The following PSME4 variants were observed in gnomAD, a reference collection of about 807,000 sequenced individuals.
PSME4 encodes the protein proteasome activator subunit 4, also known as proteasome activator complex subunit 4.
PSME4 carries 89 observed loss-of-function variants against 253.9 expected under a neutral mutation model. That is an observed-to-expected ratio of 0.35 (90% CI 0.30 to 0.42). PSME4 has a LOEUF of 0.42. Ranked by LOEUF, PSME4 falls within the 10% of genes least tolerant of loss-of-function variation. The pLI is 1.00. For synonymous variants in PSME4, 851 were observed against 759.2 expected (o/e 1.12, Z -1.99); for missense variants, 2,014 against 2,195.2 (o/e 0.92, Z 1.65).
chr2:53,940,952 CATATATATATATATAT>C (rs1169212491), intron 3 of PSME4, among the ~76,000 whole-genome samples: 1 of 24,020 alleles, frequency 4.2e-5, no homozygotes, highest in African/African-American at 1.6e-4. Context: ...TATATATATA[CATATATATATATATAT>C]ATATATATAT....
In PSME4 at chr2:53,908,559, A is replaced by C; in HGVS notation, c.2636T>G (p.Ile879Arg). ...ATVIRKLLNH[I>R]LDNSEDDTKS... ...AGTATCATCTTCTGAATTATCAAGTATGTGGTCTATAATGGAAGAAAGAAA... is the reference window on the plus strand; with the variant it reads ...AGTATCATCTTCTGAATTATCAAGTCTGTGGTCTATAATGGAAGAAAGAAA... Residue 879 changes from isoleucine to arginine, a missense_variant, in exon 23 of 47, where the codon ATA becomes AGA. Ile to Arg is a moderately conservative substitution (Grantham distance 97). Around this residue, in one of 4 missense-constraint regions of PSME4, gnomAD observed 989 missense variants for 1,021.1 expected, o/e 0.97. Transcript: ENST00000404125. 1 of 1,605,170 alleles carries C rather than the reference A, an allele frequency of 6.2e-7. No homozygotes were observed. The highest frequency in any genetic ancestry group is 8.5e-7 in the Non-Finnish European group (1 of 1,176,242).
At chr2:53,942,118 A>C (rs1669481508) in intron 3 of PSME4, 1 of 152,542 alleles carries the variant, frequency 6.6e-6, no homozygotes, top group African/African-American at 2.4e-5. Flanking sequence ...GTACCATTGG[A>C]TTTATGATGT....
chr2:53,920,104 A>G, intron 19 of PSME4, 89 bp downstream of exon 19: 3 of 1,160,272 alleles, frequency 2.6e-6, no homozygotes, highest in Non-Finnish European at 3.5e-6. Context: ...CACAATTGAA[A>G]ATTAATACAT....
intron 3 of PSME4, among the ~76,000 whole-genome samples, chr2:53,947,774 G>A (rs1167568368): frequency 6.6e-6 from 1 of 151,956 alleles, no homozygotes; most frequent in Non-Finnish European, 1.5e-5. Flanking sequence ...CCAGGACTTT[G>A]GGAGGCCAAG....
At position 53,955,559 on chromosome 2, in the gene PSME4, A is replaced by G. The variant is rs1057371213; in HGVS notation, c.243-6276T>C. Among the ~76,000 whole-genome samples the G allele has an allele frequency of 2.0e-5, 3 of 152,296 alleles. No homozygotes were observed. The East Asian group carries it at 5.8e-4, about 29-fold the overall frequency. Reference sequence around the variant, plus strand: ...TTAGTAGAATATGGAACGGAATATAATATTTATAAAGCAAGGCTCAAAACA... The same window carrying G: ...TTAGTAGAATATGGAACGGAATATAGTATTTATAAAGCAAGGCTCAAAACA... On this transcript the variant is annotated intron_variant, in intron 1 of 46. Transcript: ENST00000404125.
intron 37 of PSME4, 52 bp downstream of exon 37, chr2:53,890,052 T>C (rs1679833433): frequency 1.5e-6 from 2 of 1,336,488 alleles, no homozygotes; most frequent in Non-Finnish European, 1.1e-6. Context: ...AGAGACAGTA[T>C]CAAACAGTTT....
intron 4 of PSME4, among the ~76,000 whole-genome samples, chr2:53,938,707 C>T (rs1669240852): frequency 6.6e-6 from 1 of 152,106 alleles, no homozygotes; most frequent in Non-Finnish European, 1.5e-5. Context: ...TTGGCCCACA[C>T]AGCATATTAT....
At chr2:53,942,575 T>C (rs1366390938) in intron 3 of PSME4, among the ~76,000 whole-genome samples, 2 of 152,090 alleles carry the variant, frequency 1.3e-5, no homozygotes, top group African/African-American at 4.8e-5. Flanking sequence ...TATAGCTGTT[T>C]TCTCATCAAT....
intron 41 of PSME4, among the ~76,000 whole-genome samples, chr2:53,876,351 GGC>G (rs1274012913): frequency 6.6e-6 from 1 of 151,988 alleles, no homozygotes; most frequent in East Asian, 1.9e-4. Context: ...TCCCCACTGT[GGC>G]CTTTGCTGAT....
chr2:53,948,392 A>T, intron 3 of PSME4, 29 bp downstream of exon 3: 12 of 1,472,766 alleles, frequency 8.1e-6, no homozygotes, highest in Non-Finnish European at 1.1e-5. Context: ...AAGTACTCCC[A>T]AATAAGTGCT....
intron 44 of PSME4, among the ~76,000 whole-genome samples, chr2:53,869,006 C>T (rs1272304953): frequency 6.6e-6 from 1 of 152,140 alleles, no homozygotes; most frequent in Non-Finnish European, 1.5e-5. Context: ...ACAAGGCTTG[C>T]TTTAGTTTTT....
At position 53,925,492 on chromosome 2, in the gene PSME4, A is replaced by G. The variant is rs1461312493; in HGVS notation, c.1809+47T>C. The stretch of plus-strand genomic sequence containing the variant: ...CTTGAAGTCAATTTTAAAACATCAA[A>G]TGAAACTTAAAAGCTGGAAGTTTAT... On this transcript the variant is annotated intron_variant, in intron 14 of 46. Coordinates refer to ENST00000404125, the MANE Select transcript of PSME4 (RefSeq NM_014614.3). 10 of 1,446,182 alleles carry G rather than the reference A, an allele frequency of 6.9e-6. No homozygotes were observed. The East Asian group carries it at 2.3e-4, about 33-fold the overall frequency. The allele number at this position is 1,446,182 out of a possible 1,614,324, so 89.6% of individuals were successfully genotyped here. A position where few individuals can be genotyped will look rare whatever the true frequency, so the allele number is the denominator to read the frequency against.
chr2:53,892,416 G>C (rs997056611), intron 36 of PSME4, among the ~76,000 whole-genome samples: 1 of 152,152 alleles, frequency 6.6e-6, no homozygotes, highest in Admixed American at 6.5e-5. Flanking sequence ...TAAATGATAA[G>C]GAGGCTAAGA....
chr2:53,926,030 T>C lies in PSME4; in HGVS notation c.1594-7A>G, dbSNP rs1668541378. ...AACAAAGTTCTCGTTCCACCTATAA[T>C]ATCCCAATATGGAGAAAGATTACAT... On this transcript the variant is annotated splice_polypyrimidine_tract_variant and splice_region_variant and intron_variant, in intron 12 of 46. Coordinates refer to ENST00000404125, the MANE Select transcript of PSME4 (RefSeq NM_014614.3). 1 of 1,606,938 alleles carries C rather than the reference T, an allele frequency of 6.2e-7. No individual in the cohort carries two copies. The highest frequency in any genetic ancestry group is 8.5e-7 in the Non-Finnish European group (1 of 1,173,674).
At chr2:53,960,449 A>T (rs1489340376) in intron 1 of PSME4, among the ~76,000 whole-genome samples, 1 of 151,844 alleles carries the variant, frequency 6.6e-6, no homozygotes, top group Non-Finnish European at 1.5e-5. Flanking sequence ...AGAGGAGCAG[A>T]TTAAGAATGC....
chr2:53,874,522 TA>T, intron 42 of PSME4, 28 bp from the exon 43 acceptor site: 3 of 1,606,862 alleles, frequency 1.9e-6, no homozygotes, highest in Non-Finnish European at 1.7e-6. Context: ...ATATAAACGA[TA>T]AAGCAGTACT....
intron 41 of PSME4, among the ~76,000 whole-genome samples, chr2:53,878,201 T>C (rs1166739765): frequency 6.6e-6 from 1 of 152,238 alleles, no homozygotes; most frequent in Non-Finnish European, 1.5e-5. Context: ...AATACTTTTA[T>C]AATTTATTAT....
chr2:53,932,600 G>C (rs1322215316), intron 9 of PSME4, 68 bp downstream of exon 9: 5 of 1,266,072 alleles, frequency 3.9e-6, no homozygotes, highest in African/African-American at 1.5e-5. Flanking sequence ...TCACACAATA[G>C]GCAATAGTCA....
rs890503528 is a variant in PSME4, at chr2:53,970,902, C to T, written c.-118G>A. ...CCTGCGGCCGCTGGCGGCCCGTCGC[C>T]CTCGGACCGATCGCTAGGCCCCCTT... is the stretch of plus-strand genomic sequence containing the variant. On this transcript the variant is annotated 5_prime_UTR_variant, in exon 1 of 47. Transcript: ENST00000404125. 11 of 854,334 alleles carry T rather than the reference C, an allele frequency of 1.3e-5. No individual in the cohort carries two copies. Among genetic ancestry groups the T allele is most frequent in the Non-Finnish European group, 1.7e-5 (10 of 602,100 alleles). 52.9% of individuals were successfully genotyped at this position (854,334 alleles called of 1,614,324 possible).
Sources: allele counts gnomAD v4.1 joint callset (sites outside exome capture counted in the v4.1 genomes callset), GRCh38; gene constraint gnomAD v4.1.1; regional missense constraint gnomAD v4.1.1; transcripts MANE v1.5; gene names NCBI Gene and HGNC (gene_info 2026-07-23, HGNC 2026-07-21).